Variants in DCPS observed in about 807,000 individuals in gnomAD.
DCPS encodes decapping enzyme, scavenger, also known as m7GpppX diphosphatase.
DCPS carries 27 observed loss-of-function variants against 34.7 expected under a neutral mutation model. That is an observed-to-expected ratio of 0.78 (90% CI 0.57 to 1.07). The LOEUF is 1.07. Among genes scored for constraint, DCPS ranks in the 50% least tolerant of loss-of-function variants. DCPS has a pLI of 0.00. For synonymous variants in DCPS, 185 were observed against 185.7 expected (o/e 1.00, Z 0.03); for missense variants, 464 against 436.9 (o/e 1.06, Z -0.55).
Position 126,328,780 on chromosome 11 carries a change from C to CA in DCPS, c.377-2624dup, listed in dbSNP as rs1324877442. On this transcript the variant is annotated intron_variant, in intron 2 of 5. Transcript: ENST00000263579. The surrounding 1 kb of genome is among the most constrained non-coding windows in gnomAD (Gnocchi z 6.6). ...TGCCCAACCCAGGCAACGGAGGCAA[C>CA]AGCGGAGAGAATCCAAGCTAGCCTG... is the stretch of plus-strand genomic sequence containing the variant. Among the ~76,000 whole-genome samples the CA allele has an allele frequency of 1.3e-5, 2 of 152,214 alleles. No individual in the cohort carries two copies. The highest frequency in any genetic ancestry group is 4.8e-5 in the African/African-American group (2 of 41,458).
At chr11:126,310,440 A>G (rs1951610899) in intron 2 of DCPS, among the ~76,000 whole-genome samples, 1 of 152,200 alleles carries the variant, frequency 6.6e-6, no homozygotes, top group Non-Finnish European at 1.5e-5. Context: ...AGCTTCAGAG[A>G]TGAGTAAGAT....
rs115621947 is a variant in DCPS, at chr11:126,348,980, C to T, written c.*3367C>T. Reference sequence around the variant, plus strand: ...ACTTCTGGCCCTTTGTTCACCATTTCCCCAGAACCTAGGGTGGTGACTCAC... The same window carrying T: ...ACTTCTGGCCCTTTGTTCACCATTTTCCCAGAACCTAGGGTGGTGACTCAC... On this transcript the variant is annotated 3_prime_UTR_variant, in exon 6 of 6. Coordinates refer to ENST00000263579, the MANE Select transcript of DCPS (RefSeq NM_014026.6). The surrounding 1 kb of genome is among the most constrained non-coding windows in gnomAD (Gnocchi z 5.3). Among the ~76,000 whole-genome samples, 2,117 of 152,280 alleles carry T rather than the reference C, an allele frequency of 0.014. 56 individuals carry two copies. Among genetic ancestry groups the T allele is most frequent in the African/African-American group, 0.048 (1,981 of 41,538 alleles).
chr11:126,322,086 T>C lies in DCPS; in HGVS notation c.377-9319T>C, dbSNP rs1951710918. Among the ~76,000 whole-genome samples the C allele has an allele frequency of 6.6e-6, 1 of 152,112 alleles. No homozygotes were observed. The highest frequency in any genetic ancestry group is 6.5e-5 in the Admixed American group (1 of 15,274). ...GACAGTTTCCCAGGTCTGAAGAACATGATTTTTAAGATTGAAAGGGCTCAG... is the reference window on the plus strand; with the variant it reads ...GACAGTTTCCCAGGTCTGAAGAACACGATTTTTAAGATTGAAAGGGCTCAG... On this transcript the variant is annotated intron_variant, in intron 2 of 5. Transcript: ENST00000263579. This position sits in a 1 kb window ranked among gnomAD's most constrained non-coding sequence, Gnocchi z 4.2.
rs535089050 is a variant in DCPS at position 126,314,191 on chromosome 11, C to T, written c.376+7447C>T. ...TAGCTCCCACGTATAAGTAAGAACA[C>T]ACATATTTGGTTTTCTGTTCCTGCC... On this transcript the variant is annotated intron_variant, in intron 2 of 5. Transcript: ENST00000263579. Among the ~76,000 whole-genome samples, 12 of 152,346 alleles carry T rather than the reference C, an allele frequency of 7.9e-5. No individual in the cohort carries two copies. In the South Asian group the frequency reaches 1.2e-3, roughly 16 times the overall value.
intron 2 of DCPS, among the ~76,000 whole-genome samples, chr11:126,310,987 T>C (rs552368913): frequency 6.6e-6 from 1 of 152,334 alleles, no homozygotes; most frequent in South Asian, 2.1e-4. Flanking sequence ...AGCTGATTTT[T>C]TTCTGGTATT....
At position 126,320,380 on chromosome 11, in the gene DCPS, A is replaced by G. The variant is rs1305639108; in HGVS notation, c.377-11025A>G. Among the ~76,000 whole-genome samples the G allele has an allele frequency of 6.6e-6, 1 of 152,180 alleles. No homozygotes were observed. The highest frequency in any genetic ancestry group is 1.5e-5 in the Non-Finnish European group (1 of 68,038). ...GCAAAGATTGAAAGTAAAGCATCAT[A>G]AGGGAGACAGGAGGACAGGGACATG... is the stretch of plus-strand genomic sequence containing the variant. On this transcript the variant is annotated intron_variant, in intron 2 of 5. Transcript: ENST00000263579. This position sits in a 1 kb window ranked among gnomAD's most constrained non-coding sequence, Gnocchi z 4.7.
At chr11:126,330,378 C>T (rs942042574) in intron 2 of DCPS, among the ~76,000 whole-genome samples, 3 of 152,166 alleles carry the variant, frequency 2.0e-5, no homozygotes, top group African/African-American at 4.8e-5. Flanking sequence ...CTGGATTAAA[C>T]ATCACAGCAC....
rs1247853594 is a variant in DCPS, at chr11:126,313,347, G to A, written c.376+6603G>A. Among the ~76,000 whole-genome samples the A allele has an allele frequency of 1.3e-5, 2 of 152,210 alleles. No homozygotes were observed. The highest frequency in any genetic ancestry group is 4.8e-5 in the African/African-American group (2 of 41,454). ...CCGGACCTCCTGAGGGAGGGGTGAG[G>A]ACTTGTTTGGAAGGAGCATTTTAAA... On this transcript the variant is annotated intron_variant, in intron 2 of 5. Transcript: ENST00000263579. This position sits in a 1 kb window ranked among gnomAD's most constrained non-coding sequence, Gnocchi z 4.9.
At chr11:126,321,528 A>G (rs989640006) in intron 2 of DCPS, among the ~76,000 whole-genome samples, 2 of 152,152 alleles carry the variant, frequency 1.3e-5, no homozygotes, top group Non-Finnish European at 2.9e-5. Context: ...AACCTAAACT[A>G]TTGAGGTTCC....
rs945938666 is a variant in DCPS, at chr11:126,345,512, T to G, written c.913T>G (p.Leu305Val). The change falls in exon 6 of 6, where the codon TTG (leucine) becomes GTG (valine). Residue 305 changes from leucine to valine, a missense_variant. Leu to Val is a conservative substitution (Grantham distance 32). Coordinates refer to ENST00000263579, the MANE Select transcript of DCPS (RefSeq NM_014026.6). This position sits in a 1 kb window ranked among gnomAD's most constrained non-coding sequence, Gnocchi z 7.4. ...AHLLAEVIEN[L>V]ECDPRHYQQR... is the part of the protein sequence containing the mutation. ...CCTGCTGGCTGAGGTGATCGAGAACTTGGAGTGTGACCCTAGGCACTACCA... is the reference window on the plus strand; with the variant it reads ...CCTGCTGGCTGAGGTGATCGAGAACGTGGAGTGTGACCCTAGGCACTACCA... 4 of 1,614,078 alleles carry G rather than the reference T, an allele frequency of 2.5e-6. No homozygotes were observed. The African/African-American group carries it at 5.3e-5, about 22-fold the overall frequency.
intron 2 of DCPS, 45 bp downstream of exon 2, chr11:126,306,789 A>G: frequency 5.1e-6 from 8 of 1,566,798 alleles, no homozygotes; most frequent in Non-Finnish European, 7.0e-6. Context: ...GGAGAATGGG[A>G]TGGTGGGAAA....
rs1951855602 is a variant in DCPS, at chr11:126,338,899, C to T, written c.636+500C>T. ...CAGACTTCTACTCAGGCCCCTTGGCCCCGTGCCCTGCCTCCAAGCACCTCT... is the reference window on the plus strand; with the variant it reads ...CAGACTTCTACTCAGGCCCCTTGGCTCCGTGCCCTGCCTCCAAGCACCTCT... On this transcript the variant is annotated intron_variant, in intron 4 of 5. Transcript: ENST00000263579. The surrounding 1 kb of genome is among the most constrained non-coding windows in gnomAD (Gnocchi z 5.4). 6.6e-6 allele frequency among the ~76,000 whole-genome samples: 1 copy of T among 152,198 alleles called. No homozygotes were observed. Among genetic ancestry groups the T allele is most frequent in the Non-Finnish European group, 1.5e-5 (1 of 68,030 alleles).
At position 126,304,169 on chromosome 11, in the gene DCPS, C is replaced by T; in HGVS notation, c.89C>T (p.Ala30Val). Residue 30 changes from alanine (A) to valine (V), a missense_variant, in exon 1 of 6, where the codon GCA (alanine) becomes GTA (valine). By Grantham distance (64) the Ala-to-Val change is moderately conservative (BLOSUM62 0). Coordinates refer to ENST00000263579, the MANE Select transcript of DCPS (RefSeq NM_014026.6). Reference protein sequence around the residue: ...AHAASTEEKEAGVGNGTCAPV... With the variant: ...AHAASTEEKEVGVGNGTCAPV... ...GCCGCCAGCACAGAGGAAAAGGAGG[C>T]AGGAGTTGGAAATGGTACCTGTGCT... 1 of 1,614,252 alleles carries T rather than the reference C, an allele frequency of 6.2e-7. No individual in the cohort carries two copies. The highest frequency in any genetic ancestry group is 8.5e-7 in the Non-Finnish European group (1 of 1,180,048).
In DCPS at chr11:126,322,296, C is replaced by T. The variant is rs1180467849; in HGVS notation, c.377-9109C>T. Among the ~76,000 whole-genome samples, 2 of 152,134 alleles carry T rather than the reference C, an allele frequency of 1.3e-5. No homozygotes were observed. Among genetic ancestry groups the T allele is most frequent in the Admixed American group, 6.5e-5 (1 of 15,268 alleles). ...TTTATTTTTTTGAGACAGAGTCTCA[C>T]TTTGTCGCCCAGGCTGGAGTGCATT... On this transcript the variant is annotated intron_variant, in intron 2 of 5. Transcript: ENST00000263579. The surrounding 1 kb of genome is among the most constrained non-coding windows in gnomAD (Gnocchi z 4.2).
At chr11:126,341,411 C>T (rs1362063455) in intron 4 of DCPS, 1 of 152,234 alleles carries the variant, frequency 6.6e-6, no homozygotes, top group Non-Finnish European at 1.5e-5. Context: ...TGGCTGCCAG[C>T]AGGAAATTTT....
Position 126,329,687 on chromosome 11 carries a change from C to T in DCPS, c.377-1718C>T, listed in dbSNP as rs138022313. ...CTCAGTTCCAGGTTCGCCTCTGCCA[C>T]GTTTCACGGTGTGATACTGGATGAC... is the stretch of plus-strand genomic sequence containing the variant. On this transcript the variant is annotated intron_variant, in intron 2 of 5. Transcript: ENST00000263579. This position sits in a 1 kb window ranked among gnomAD's most constrained non-coding sequence, Gnocchi z 5.0. 3.5e-3 allele frequency among the ~76,000 whole-genome samples: 537 copies of T among 152,328 alleles called. 7 individuals are homozygous for T. Among genetic ancestry groups the T allele is most frequent in the African/African-American group, 0.013 (521 of 41,572 alleles).
chr11:126,326,277 C>T (rs769537108), intron 2 of DCPS, among the ~76,000 whole-genome samples: 2 of 152,176 alleles, frequency 1.3e-5, no homozygotes, highest in African/African-American at 2.4e-5. Flanking sequence ...TGCCAGACAG[C>T]GTATGGCAGG....
At position 126,345,420 on chromosome 11, in the gene DCPS, A is replaced by AC. The variant is rs1397969329; in HGVS notation, c.823dup (p.His275ProfsTer26). 1.2e-6 allele frequency: 2 copies of AC among 1,614,100 alleles called. No individual in the cohort carries two copies. The highest frequency in any genetic ancestry group is 1.7e-6 in the Non-Finnish European group (2 of 1,180,002). ...TACCTGCACTACCTGCCCTCCTACT[A>AC]CCACCTGCATGTGCACTTCACCGCC... On this transcript the variant is annotated frameshift_variant, in exon 6 of 6. Coordinates refer to ENST00000263579, the MANE Select transcript of DCPS (RefSeq NM_014026.6). LOFTEE classifies it high-confidence loss of function. This position sits in a 1 kb window ranked among gnomAD's most constrained non-coding sequence, Gnocchi z 7.4.
In DCPS at chr11:126,304,178, G is replaced by T; in HGVS notation, c.98G>T (p.Gly33Val). 2 of 1,614,266 alleles carry T rather than the reference G, an allele frequency of 1.2e-6. No homozygotes were observed. The highest frequency in any genetic ancestry group is 1.7e-6 in the Non-Finnish European group (2 of 1,180,046). ...ASTEEKEAGV[G>V]NGTCAPVRLP... Reference sequence around the variant, plus strand: ...ACAGAGGAAAAGGAGGCAGGAGTTGGAAATGGTACCTGTGCTCCTGTCCGC... The same window carrying T: ...ACAGAGGAAAAGGAGGCAGGAGTTGTAAATGGTACCTGTGCTCCTGTCCGC... The change falls in exon 1 of 6, where the codon GGA becomes GTA. Residue 33 changes from glycine (G) to valine (V), a missense_variant. Transcript: ENST00000263579.
Sources: gnomAD v4.1 joint callset for allele counts (sites outside exome capture counted in the v4.1 genomes callset) on GRCh38, gnomAD v4.1.1 for gene constraint, Gnocchi (gnomAD v3.1) non-coding constraint, MANE v1.5 for transcripts, NCBI Gene and HGNC (gene_info 2026-07-23, HGNC 2026-07-21) for gene names.